TMEM63A: variants seen among roughly 807,000 people sequenced by gnomAD.
The protein encoded by TMEM63A is mechanosensitive cation channel TMEM63A.
TMEM63A carries 76 observed loss-of-function variants against 100.6 expected under a neutral mutation model. That is an observed-to-expected ratio of 0.76 (90% CI 0.63 to 0.91). The LOEUF is 0.91. Ranked by LOEUF, TMEM63A falls within the 40% of genes least tolerant of loss-of-function variation. The pLI, the probability that TMEM63A is intolerant of heterozygous loss-of-function variation, is 0.00. For missense variants in TMEM63A, 876 were observed against 1,008.8 expected, an observed-to-expected ratio of 0.87 and a Z score of 1.78; for synonymous variants, 401 against 401.1, an observed-to-expected ratio of 1.00 and a Z score of 0.00.
At chr1:225,871,237 C>T (rs922378161) in intron 5 of TMEM63A, 124 bp from the exon 6 acceptor site, 7 of 994,862 alleles carry the variant, frequency 7.0e-6, no homozygotes, top group Non-Finnish European at 1.1e-5. Context: ...GTGCTTTTAT[C>T]CCATATTCAG....
In TMEM63A at chr1:225,853,464, G is replaced by T. The variant is rs559147066; in HGVS notation, c.1797+165C>A. Among the ~76,000 whole-genome samples, 6 of 152,274 alleles carry T rather than the reference G, an allele frequency of 3.9e-5. No individual in the cohort carries two copies. The South Asian group carries it at 1.2e-3, about 32-fold the overall frequency. On this transcript the variant is annotated intron_variant, in intron 19 of 24. Transcript: ENST00000366835. The surrounding 1 kb of genome is among the most constrained non-coding windows in gnomAD (Gnocchi z 4.0). ...GAGGAGGCTGGAGGAGGCCACGCCT[G>T]CCTGGACCCGGGTTTGAGAAGCACT...
At chr1:225,851,357 GTTCTT>G (rs1225149227) in intron 20 of TMEM63A, among the ~76,000 whole-genome samples, 1 of 152,094 alleles carries the variant, frequency 6.6e-6, no homozygotes, top group Non-Finnish European at 1.5e-5. Flanking sequence ...ATTATGCCAG[GTTCTT>G]TTGTTTTTTT....
At chr1:225,869,990 C>T (rs555882657) in intron 6 of TMEM63A, among the ~76,000 whole-genome samples, 6 of 152,072 alleles carry the variant, frequency 3.9e-5, no homozygotes, top group East Asian at 1.9e-4. Flanking sequence ...ATGAGGTGTA[C>T]GCTATCGTTA....
At chr1:225,857,577 G>T (rs972550688) in intron 15 of TMEM63A, among the ~76,000 whole-genome samples, 1 of 151,584 alleles carries the variant, frequency 6.6e-6, no homozygotes, top group Admixed American at 6.6e-5. Flanking sequence ...GGCTACTTTG[G>T]AAAGACTTAA....
In TMEM63A at chr1:225,865,694, C is replaced by T. The variant is rs565903237; in HGVS notation, c.746+203G>A. On this transcript the variant is annotated intron_variant, in intron 10 of 24. Transcript: ENST00000366835. The surrounding 1 kb of genome is among the most constrained non-coding windows in gnomAD (Gnocchi z 4.6). Reference sequence around the variant, plus strand: ...GCTTGAAGAGGATAGGCCACCAGGGCGCTATTCACTGCACAGCACCAGCAG... The same window carrying T: ...GCTTGAAGAGGATAGGCCACCAGGGTGCTATTCACTGCACAGCACCAGCAG... The T allele has an allele frequency of 5.5e-5, 32 of 579,064 alleles. No homozygotes were observed. Among genetic ancestry groups the T allele is most frequent in the Non-Finnish European group, 9.9e-5 (32 of 322,380 alleles). The allele number at this position is 579,064 out of a possible 1,614,324, so 35.9% of individuals were successfully genotyped here. A position where few individuals can be genotyped will look rare whatever the true frequency, so the allele number is the denominator to read the frequency against.
At position 225,853,127 on chromosome 1, in the gene TMEM63A, T is replaced by C. The variant is rs1669436340; in HGVS notation, c.1798-358A>G. Among the ~76,000 whole-genome samples the C allele has an allele frequency of 1.3e-5, 2 of 152,182 alleles. No homozygotes were observed. Among genetic ancestry groups the C allele is most frequent in the South Asian group, 2.1e-4 (1 of 4,836 alleles). On this transcript the variant is annotated intron_variant, in intron 19 of 24. Transcript: ENST00000366835. The surrounding 1 kb of genome is among the most constrained non-coding windows in gnomAD (Gnocchi z 4.0). ...TCATGCCTCTGTGAAATCGGGATAC[T>C]AGCAGTGCCCAGCTCATAAGGGGGC...
In TMEM63A at chr1:225,856,903, G is replaced by A. The variant is rs2102609561; in HGVS notation, c.1484+8C>T. 1 of 1,609,414 alleles carries A rather than the reference G, an allele frequency of 6.2e-7. No individual in the cohort carries two copies. The highest frequency in any genetic ancestry group is 8.5e-7 in the Non-Finnish European group (1 of 1,178,216). On this transcript the variant is annotated splice_region_variant and intron_variant, in intron 16 of 24. Coordinates refer to ENST00000366835, the MANE Select transcript of TMEM63A (RefSeq NM_014698.3). ...AGGGGCAGGGCCTCGGGGCTCCCGG[G>A]CACTCACTTGGTCCAGTGAGACTCC...
At chr1:225,858,985 TGTGTGTGTGTG>T (rs1471681303) in intron 15 of TMEM63A, among the ~76,000 whole-genome samples, 200 bp downstream of exon 15, 1 of 151,302 alleles carries the variant, frequency 6.6e-6, no homozygotes, top group Non-Finnish European at 1.5e-5. Flanking sequence ...TGTGTGTGTG[TGTGTGTGTGTG>T]TATGGCATTA....
At chr1:225,880,691 G>T (rs1459113880) in intron 1 of TMEM63A, among the ~76,000 whole-genome samples, 1 of 152,200 alleles carries the variant, frequency 6.6e-6, no homozygotes, top group Admixed American at 6.5e-5. Context: ...TGGGCAGCAG[G>T]TGACTTCACG....
At chr1:225,855,744 C>A in intron 18 of TMEM63A, 134 bp downstream of exon 18, 1 of 860,240 alleles carries the variant, frequency 1.2e-6, no homozygotes, top group Non-Finnish European at 1.8e-6. Context: ...GCCCCAAGCC[C>A]TGCTGTCTGG....
At position 225,849,893 on chromosome 1, in the gene TMEM63A, G is replaced by C. The variant is rs1347796699; in HGVS notation, c.2071+19C>G. 1 of 1,612,510 alleles carries C rather than the reference G, an allele frequency of 6.2e-7. No homozygotes were observed. The highest frequency in any genetic ancestry group is 1.1e-5 in the South Asian group (1 of 90,922). On this transcript the variant is annotated intron_variant, in intron 21 of 24. Coordinates refer to ENST00000366835, the MANE Select transcript of TMEM63A (RefSeq NM_014698.3). The stretch of plus-strand genomic sequence containing the variant: ...GCTGGGAGGCCAAGGGCTGGCCCCA[G>C]GTCAGAAGGGCTGCTCACCCAGGCG...
Position 225,866,127 on chromosome 1 carries a change from A to G in TMEM63A, c.676-160T>C, listed in dbSNP as rs547670883. Reference sequence around the variant, plus strand: ...GCCGGGGGAGCCCCCAAAGCATGTCATTTACACAGCGTCTTCTTCCAGGCT... The same window carrying G: ...GCCGGGGGAGCCCCCAAAGCATGTCGTTTACACAGCGTCTTCTTCCAGGCT... On this transcript the variant is annotated intron_variant, in intron 9 of 24. Transcript: ENST00000366835. The G allele has an allele frequency of 1.6e-4, 107 of 682,126 alleles. No individual in the cohort carries two copies. The African/African-American group carries it at 1.8e-3, about 11-fold the overall frequency. The allele number at this position is 682,126 out of a possible 1,614,324, so 42.3% of individuals were successfully genotyped here.
At chr1:225,866,115 C>T in intron 9 of TMEM63A, 148 bp from the exon 10 acceptor site, 1 of 755,280 alleles carries the variant, frequency 1.3e-6, no homozygotes, top group Non-Finnish European at 2.2e-6. Flanking sequence ...GGGGGAGCCC[C>T]CAAAGCATGT....
rs1669634499 is a variant in TMEM63A, at chr1:225,856,710, T to C, written c.1513A>G (p.Lys505Glu). The part of the protein sequence containing the change: ...KSGENQIMMT[K>E]VYIFLIFMVL... ...ATGAAGATCAAGAATATGTAGACTTTGGTCATCATGATCTGGTTTTCCCCC... is the reference window on the plus strand; with the variant it reads ...ATGAAGATCAAGAATATGTAGACTTCGGTCATCATGATCTGGTTTTCCCCC... Residue 505 changes from lysine to glutamate, a missense_variant, in exon 17 of 25, where the codon AAA becomes GAA. By Grantham distance (56) the Lys-to-Glu change is moderately conservative (BLOSUM62 1). Around this residue, in one of 5 missense-constraint regions of TMEM63A, gnomAD observed 487 missense variants for 581.9 expected, o/e 0.84. Coordinates refer to ENST00000366835, the MANE Select transcript of TMEM63A (RefSeq NM_014698.3). 1 of 1,613,742 alleles carries C rather than the reference T, an allele frequency of 6.2e-7. No homozygotes were observed. The highest frequency in any genetic ancestry group is 1.1e-5 in the South Asian group (1 of 91,018).
rs763636233 is a variant in TMEM63A, at chr1:225,865,947, G to C, written c.696C>G (p.Ile232Met). Reference protein sequence around the residue: ...EENLVRRTLFITGLPRDARKE... With the variant: ...EENLVRRTLFMTGLPRDARKE... Reference sequence around the variant, plus strand: ...TCCTGGCATCTCTGGGGAGTCCTGTGATGAACAGGGTCCGCCTCACCTGTC... The same window carrying C: ...TCCTGGCATCTCTGGGGAGTCCTGTCATGAACAGGGTCCGCCTCACCTGTC... The change falls in exon 10 of 25, where the codon ATC becomes ATG. Residue 232 changes from isoleucine to methionine, a missense_variant. Around this residue, in one of 5 missense-constraint regions of TMEM63A, gnomAD observed 487 missense variants for 581.9 expected, o/e 0.84. Coordinates refer to ENST00000366835, the MANE Select transcript of TMEM63A (RefSeq NM_014698.3). This position sits in a 1 kb window ranked among gnomAD's most constrained non-coding sequence, Gnocchi z 4.6. 1.9e-6 allele frequency: 3 copies of C among 1,614,054 alleles called. No homozygotes were observed. The highest frequency in any genetic ancestry group is 2.5e-6 in the Non-Finnish European group (3 of 1,179,952).
rs1217378706 is a variant in TMEM63A at position 225,862,026 on chromosome 1, C to T, written c.1085+192G>A. ...CCGTGGCTGCTGCCCACACCCCCAC[C>T]GCCTGTTACACAAACATGGGCTGGG... On this transcript the variant is annotated intron_variant, in intron 13 of 24. Transcript: ENST00000366835. This position sits in a 1 kb window ranked among gnomAD's most constrained non-coding sequence, Gnocchi z 5.1. 1.0e-5 allele frequency: 9 copies of T among 871,626 alleles called. No homozygotes were observed. Among genetic ancestry groups the T allele is most frequent in the South Asian group, 3.5e-5 (2 of 57,854 alleles). 54.0% of individuals were successfully genotyped at this position (871,626 alleles called of 1,614,324 possible). A position where few individuals can be genotyped will look rare whatever the true frequency, so the allele number is the denominator to read the frequency against.
chr1:225,856,534 G>A (rs1669625299), intron 17 of TMEM63A, 118 bp downstream of exon 17: 1 of 995,964 alleles, frequency 1.0e-6, no homozygotes, highest in South Asian at 1.4e-5. Flanking sequence ...GGTTGCGACA[G>A]GCTTAGATAT....
In TMEM63A at chr1:225,848,561, A is replaced by G. The variant is rs761928211; in HGVS notation, c.2188-7T>C. 134 of 1,613,874 alleles carry G rather than the reference A, an allele frequency of 8.3e-5. No individual in the cohort carries two copies. Among genetic ancestry groups the G allele is most frequent in the Non-Finnish European group, 1.1e-4 (132 of 1,179,986 alleles). ...CACTTGCAGGCTCTTCTGTCTGCAG[A>G]TAACAGCAAAAACTTGCGATGATAA... On this transcript the variant is annotated splice_polypyrimidine_tract_variant and splice_region_variant and intron_variant, in intron 22 of 24. Transcript: ENST00000366835.
Position 225,872,067 on chromosome 1 carries a change from AAG to A in TMEM63A, c.267-16_267-15del. 6.3e-7 allele frequency: 1 copy of A among 1,585,214 alleles called. No homozygotes were observed. The highest frequency in any genetic ancestry group is 1.8e-5 in the Admixed American group (1 of 56,242). ...AATCTGGACTCGCTAGAGACACAAA[AAG>A]AAAAAAAATGACAGATAATTCTTAG... On this transcript the variant is annotated splice_polypyrimidine_tract_variant and intron_variant, in intron 4 of 24. Transcript: ENST00000366835.
Sources: allele counts gnomAD v4.1 joint callset (sites outside exome capture counted in the v4.1 genomes callset), GRCh38; gene constraint gnomAD v4.1.1; regional missense constraint gnomAD v4.1.1; non-coding constraint Gnocchi (gnomAD v3.1); transcripts MANE v1.5; gene names NCBI Gene and HGNC (gene_info 2026-07-23, HGNC 2026-07-21).